The following C6orf163 variants were observed in gnomAD, a reference collection of about 807,000 sequenced individuals.
C6orf163 encodes chromosome 6 open reading frame 163.
In C6orf163, 22 loss-of-function variants were observed where a neutral mutation model predicts 28.4. That is an observed-to-expected ratio of 0.78 (90% CI 0.55 to 1.11). The LOEUF is 1.11. Ranked by LOEUF, C6orf163 falls within the 50% of genes least tolerant of loss-of-function variation. The pLI is 0.00. For missense variants in C6orf163, 342 were observed against 389.1 expected (o/e 0.88, Z 1.02); for synonymous variants, 110 against 123.6 (o/e 0.89, Z 0.73).
rs939303377 is a variant in C6orf163 at position 87,345,151 on chromosome 6, A to G, written c.52A>G (p.Lys18Glu). 1.1e-5 allele frequency: 17 copies of G among 1,536,306 alleles called. No individual in the cohort carries two copies. Among genetic ancestry groups the G allele is most frequent in the Non-Finnish European group, 1.2e-5 (14 of 1,146,622 alleles). ...KNFVCCAVCN[K>E]IIPPAPFGKT... ...CTTTGTTTGCTGTGCTGTTTGTAAT[A>G]AAATAATTCCACCAGCCCCTTTTGG... The change falls in exon 1 of 5, where the codon AAA becomes GAA. Residue 18 changes from lysine to glutamate, a missense_variant. Physicochemically the swap from Lys to Glu is moderately conservative, Grantham distance 56. Coordinates refer to ENST00000388923, the MANE Select transcript of C6orf163 (RefSeq NM_001010868.3).
At chr6:87,353,620 A>G (rs1359252364) in intron 3 of C6orf163, among the ~76,000 whole-genome samples, 1 of 152,208 alleles carries the variant, frequency 6.6e-6, no homozygotes, top group Non-Finnish European at 1.5e-5. Flanking sequence ...ATATTATGGT[A>G]GTACTTCACC....
At chr6:87,350,525 G>A in intron 3 of C6orf163, 24 bp downstream of exon 3, 2 of 1,333,438 alleles carry the variant, frequency 1.5e-6, no homozygotes, top group Non-Finnish European at 1.0e-6. Context: ...CTTATTTGTT[G>A]TCTTTTAAAA....
At chr6:87,354,449 G>C (rs1349415447) in intron 3 of C6orf163, among the ~76,000 whole-genome samples, 2 of 152,176 alleles carry the variant, frequency 1.3e-5, no homozygotes, top group African/African-American at 4.8e-5. Context: ...ATTCATCTTT[G>C]TCTACCAAGC....
At chr6:87,347,492 C>G (rs1484087074) in intron 1 of C6orf163, 43 of 985,266 alleles carry the variant, frequency 4.4e-5, no homozygotes, top group South Asian at 9.4e-5. Context: ...CCTAGAAAAT[C>G]TTTTCTAATT....
In C6orf163 at chr6:87,359,052, A is replaced by G. The variant is rs184498486; in HGVS notation, c.554+2549A>G. The G allele has an allele frequency of 5.2e-5, 8 of 152,402 alleles. No homozygotes were observed. The East Asian group carries it at 1.4e-3, about 26-fold the overall frequency. The allele number at this position is 152,402 out of a possible 1,614,324, so 9.4% of individuals were successfully genotyped here. On this transcript the variant is annotated intron_variant, in intron 4 of 4. Coordinates refer to ENST00000388923, the MANE Select transcript of C6orf163 (RefSeq NM_001010868.3). ...ACCTTCTGTGGATGTGGCACAAATT[A>G]AGAGCCCTTCCTCAACATTGTGTAA...
At chr6:87,360,032 C>T (rs1777559199) in intron 4 of C6orf163, among the ~76,000 whole-genome samples, 1 of 152,124 alleles carries the variant, frequency 6.6e-6, no homozygotes, top group Non-Finnish European at 1.5e-5. Flanking sequence ...GTGGTTGGTC[C>T]AAATGCTGAA....
intron 4 of C6orf163, chr6:87,358,385 A>G (rs978737606): frequency 6.6e-6 from 1 of 152,080 alleles, no homozygotes; most frequent in African/African-American, 2.4e-5. Flanking sequence ...AGGCAGGCGG[A>G]TCACGAGGTC....
intron 3 of C6orf163, among the ~76,000 whole-genome samples, chr6:87,352,447 G>T (rs1274867388): frequency 6.6e-6 from 1 of 152,138 alleles, no homozygotes; most frequent in Non-Finnish European, 1.5e-5. Context: ...ATTAAATTTT[G>T]ATGTGTCAAG....
intron 4 of C6orf163, among the ~76,000 whole-genome samples, chr6:87,364,056 G>A (rs963597256): frequency 1.2e-4 from 18 of 152,128 alleles, no homozygotes; most frequent in Admixed American, 2.0e-4. Context: ...GGCCAGGGCG[G>A]GTGGATCACT....
At chr6:87,349,796 C>T (rs1562229093) in intron 2 of C6orf163, among the ~76,000 whole-genome samples, 1 of 152,160 alleles carries the variant, frequency 6.6e-6, no homozygotes, top group Non-Finnish European at 1.5e-5. Flanking sequence ...TCTTTGTAGT[C>T]ATCTATTTTT....
intron 1 of C6orf163, among the ~76,000 whole-genome samples, chr6:87,346,959 A>G (rs566483473): frequency 6.6e-6 from 1 of 152,360 alleles, no homozygotes; most frequent in East Asian, 1.9e-4. Context: ...GCATTGAAAC[A>G]ATACTATTAA....
At chr6:87,362,688 C>T (rs1224680728) in intron 4 of C6orf163, among the ~76,000 whole-genome samples, 1 of 152,104 alleles carries the variant, frequency 6.6e-6, no homozygotes, top group Admixed American at 6.5e-5. Flanking sequence ...ATGTGATTTA[C>T]TTCAAGACTA....
chr6:87,348,340 A>G (rs1009128073), intron 1 of C6orf163: 2 of 987,062 alleles, frequency 2.0e-6, no homozygotes, highest in African/African-American at 3.5e-5. Context: ...AGCTCACTCC[A>G]TACTGAAGCA....
chr6:87,346,740 A>G (rs1369257477), intron 1 of C6orf163, among the ~76,000 whole-genome samples: 2 of 152,242 alleles, frequency 1.3e-5, no homozygotes, highest in Non-Finnish European at 2.9e-5. Context: ...TGGATTTAAT[A>G]CTAATCTAAC....
chr6:87,364,464 T>C (rs1341710852), intron 4 of C6orf163, among the ~76,000 whole-genome samples: 2 of 152,166 alleles, frequency 1.3e-5, no homozygotes, highest in Non-Finnish European at 2.9e-5. Context: ...ATTTTGAGAC[T>C]GTAAAGAGCT....
chr6:87,360,905 C>G (rs1177649732), intron 4 of C6orf163, among the ~76,000 whole-genome samples: 1 of 152,048 alleles, frequency 6.6e-6, no homozygotes, highest in East Asian at 1.9e-4. Context: ...CAGGTCACAC[C>G]CTCGACGCAC....
chr6:87,355,688 G>A (rs1299073783), intron 3 of C6orf163, among the ~76,000 whole-genome samples: 1 of 152,154 alleles, frequency 6.6e-6, no homozygotes, highest in African/African-American at 2.4e-5. Context: ...CAGTTACGTT[G>A]TTGGCCTCCT....
chr6:87,355,889 C>T (rs1367360587), intron 3 of C6orf163, among the ~76,000 whole-genome samples: 2 of 152,098 alleles, frequency 1.3e-5, no homozygotes, highest in South Asian at 4.1e-4. Context: ...TCCCTCCTAC[C>T]CAGGAGACAC....
chr6:87,345,360 C>T (rs771190711), intron 1 of C6orf163, 113 bp downstream of exon 1: 56 of 1,064,744 alleles, frequency 5.3e-5, no homozygotes, highest in Admixed American at 2.7e-4. Flanking sequence ...CTTGTCCCTA[C>T]AGGGATATTT....
Sources: gnomAD v4.1 joint callset for allele counts (sites outside exome capture counted in the v4.1 genomes callset) on GRCh38, gnomAD v4.1.1 for gene constraint, MANE v1.5 for transcripts, NCBI Gene and HGNC (gene_info 2026-07-23, HGNC 2026-07-21) for gene names.